Variants in CCNH observed in about 807,000 individuals in gnomAD.
CCNH encodes the protein cyclin-H.
CCNH carries 31 observed loss-of-function variants against 41.9 expected under a neutral mutation model. The ratio of observed to expected loss-of-function variants is 0.74; its 90% CI spans 0.56 to 1.00. The LOEUF (loss-of-function observed/expected upper bound fraction) is 1.00, where lower values mean the gene tolerates loss of function less well. Among genes scored for constraint, CCNH ranks in the 50% least tolerant of loss-of-function variants. The probability of loss-of-function intolerance (pLI) is 0.00; values close to 1 mark genes in which losing one functional copy is unlikely to be tolerated. For missense variants in CCNH, 362 were observed against 388.4 expected, an observed-to-expected ratio of 0.93 and a Z score of 0.57; for synonymous variants, 138 against 136.1, an observed-to-expected ratio of 1.01 and a Z score of -0.10.
intron 9 of CCNH, among the ~76,000 whole-genome samples, chr5:87,336,762 AT>A (rs1554045359): frequency 6.6e-6 from 1 of 152,024 alleles, no homozygotes. Flanking sequence ...TAATGTGCTT[AT>A]TTAGGTGGTT....
upstream of CCNH, chr5:87,379,665 T>G (rs113738866): frequency 1.3e-6 from 2 of 1,573,544 alleles, no homozygotes; most frequent in African/African-American, 1.4e-5. Flanking sequence ...CTATAACTAC[T>G]TGTTTTCCTC....
downstream of CCNH, among the ~76,000 whole-genome samples, chr5:87,314,932 A>AC (rs948020016): frequency 6.6e-6 from 1 of 152,106 alleles, no homozygotes; most frequent in African/African-American, 2.4e-5. Context: ...GATAAGTGAC[A>AC]CCCCCATCTT....
rs1060503437 is a variant in CCNH at position 87,349,252 on chromosome 5, A to G, written c.*91-30355T>C. 6.2e-7 allele frequency: 1 copy of G among 1,612,182 alleles called. No homozygotes were observed. The highest frequency in any genetic ancestry group is 8.5e-7 in the Non-Finnish European group (1 of 1,178,720). ...CAGTTTTCTTGTGAGGCCCTCAGATAATACTCCTGGCGATTATTCACTTTA... is the reference window on the plus strand; with the variant it reads ...CAGTTTTCTTGTGAGGCCCTCAGATGATACTCCTGGCGATTATTCACTTTA... On this transcript the variant is annotated intron_variant and NMD_transcript_variant, in intron 9 of 9. Transcript: ENST00000645953.
chr5:87,397,166 T>G (rs998758284), intron 7 of CCNH, among the ~76,000 whole-genome samples: 4 of 152,026 alleles, frequency 2.6e-5, no homozygotes, highest in Non-Finnish European at 4.4e-5. Context: ...TAATTTTTTT[T>G]TTGTTTTTTT....
intron 9 of CCNH, chr5:87,362,729 C>T (rs2112457799): frequency 6.5e-7 from 1 of 1,549,212 alleles, no homozygotes; most frequent in South Asian, 1.1e-5. Context: ...ATATGGAGCT[C>T]CGAACTTATT....
intron 9 of CCNH, among the ~76,000 whole-genome samples, chr5:87,344,558 G>A (rs549698797): frequency 5.9e-5 from 9 of 151,952 alleles, no homozygotes; most frequent in African/African-American, 9.7e-5. Context: ...TGCCCAAGCC[G>A]GAGTGCAGTA....
At chr5:87,383,483 G>C (rs1761866452) in intron 9 of CCNH, among the ~76,000 whole-genome samples, 1 of 151,836 alleles carries the variant, frequency 6.6e-6, no homozygotes, top group African/African-American at 2.4e-5. Flanking sequence ...TTCTAAATTG[G>C]GAAAAGTGAG....
intron 6 of CCNH, among the ~76,000 whole-genome samples, chr5:87,399,867 A>G (rs1180628727): frequency 1.3e-5 from 2 of 152,162 alleles, no homozygotes; most frequent in African/African-American, 2.4e-5. Flanking sequence ...ATCACCAACC[A>G]TCTTCGTAGT....
exon 1 of CCNH, chr5:87,376,649 T>C (rs939833228): frequency 2.2e-5 from 33 of 1,469,582 alleles, no homozygotes; most frequent in Middle Eastern, 4.2e-4. Flanking sequence ...AAGGTAAACA[T>C]AGTAATTCAT....
intron 9 of CCNH, among the ~76,000 whole-genome samples, chr5:87,386,255 G>A (rs147341946): frequency 1.3e-5 from 2 of 152,096 alleles, no homozygotes; most frequent in African/African-American, 2.4e-5. Context: ...AAAAGAGTGT[G>A]TTAATCTTAA....
chr5:87,394,337 T>G lies in CCNH; in HGVS notation c.*109A>C. On this transcript the variant is annotated 3_prime_UTR_variant, in exon 9 of 9. Transcript: ENST00000256897. ...AAAGGGAAAGAAAACAATAGAAAAG[T>G]TTTAATATATTTTATGTTTTCACAT... 7.0e-7 allele frequency: 1 copy of G among 1,434,730 alleles called. No individual in the cohort carries two copies. Among genetic ancestry groups the G allele is most frequent in the Non-Finnish European group, 9.2e-7 (1 of 1,085,554 alleles). 88.9% of individuals were successfully genotyped at this position (1,434,730 alleles called of 1,614,324 possible).
At chr5:87,369,699 C>CT in intron 9 of CCNH, 1 of 753,902 alleles carries the variant, frequency 1.3e-6, no homozygotes, top group Non-Finnish European at 2.2e-6. Context: ...AGTATTATTT[C>CT]TTTAAGAATT....
At chr5:87,337,326 GA>G (rs1227329462) in intron 9 of CCNH, among the ~76,000 whole-genome samples, 6 of 151,664 alleles carry the variant, frequency 4.0e-5, no homozygotes, top group South Asian at 4.2e-4. Context: ...ATTGGTAACA[GA>G]AAAAAAACAT....
intron 3 of CCNH, among the ~76,000 whole-genome samples, chr5:87,408,841 T>C (rs1311564198): frequency 6.6e-6 from 1 of 152,180 alleles, no homozygotes; most frequent in Non-Finnish European, 1.5e-5. Flanking sequence ...ATGAGTTTCA[T>C]ACTAATTTCA....
chr5:87,392,223 C>T (rs1428161004), downstream of CCNH: 3 of 455,260 alleles, frequency 6.6e-6, no homozygotes, highest in African/African-American at 6.0e-5. Flanking sequence ...GCCCTAGATT[C>T]CAAGAGCAAC....
chr5:87,353,374 C>G, intron 9 of CCNH: 1 of 753,334 alleles, frequency 1.3e-6, no homozygotes, highest in South Asian at 1.6e-5. Context: ...TTTAGAAAGT[C>G]AACTGTAAGA....
At chr5:87,320,994 G>A (rs544252064) in intron 9 of CCNH, among the ~76,000 whole-genome samples, 1 of 152,170 alleles carries the variant, frequency 6.6e-6, no homozygotes, top group African/African-American at 2.4e-5. Context: ...ATAGCAATTT[G>A]TACACTTCTG....
chr5:87,401,633 C>T, intron 6 of CCNH, 69 bp downstream of exon 6: 3 of 929,638 alleles, frequency 3.2e-6, no homozygotes, highest in South Asian at 1.6e-5. Context: ...AGTTAAACAC[C>T]AAGAGATTTA....
At chr5:87,317,634 C>G (rs1756441107), downstream of CCNH, among the ~76,000 whole-genome samples, 2 of 143,818 alleles carry the variant, frequency 1.4e-5, no homozygotes, top group Non-Finnish European at 3.1e-5. Flanking sequence ...TTCTCATGCT[C>G]TTTTTTTTTT....
Sources: gnomAD v4.1 joint callset for allele counts (sites outside exome capture counted in the v4.1 genomes callset) on GRCh38, gnomAD v4.1.1 for gene constraint, MANE v1.5 for transcripts, NCBI Gene and HGNC (gene_info 2026-07-23, HGNC 2026-07-21) for gene names.